MDGA2: variants seen among roughly 807,000 people sequenced by gnomAD.
The protein encoded by MDGA2 is MAM domain containing glycosylphosphatidylinositol anchor 2.
A neutral mutation model predicts 117.8 loss-of-function variants in MDGA2; 40 were observed. That is an observed-to-expected ratio of 0.34 (90% CI 0.26 to 0.44). MDGA2 has a LOEUF of 0.44. Ranked by LOEUF, MDGA2 falls within the 20% of genes least tolerant of loss-of-function variation. The pLI, the probability that MDGA2 is intolerant of heterozygous loss-of-function variation, is 1.00. For synonymous variants in MDGA2, 452 were observed against 439.0 expected (o/e 1.03, Z -0.37); for missense variants, 1,123 against 1,250.6 (o/e 0.90, Z 1.54).
At chr14:47,640,457 T>C (rs1897403594) in intron 1 of MDGA2, among the ~76,000 whole-genome samples, 1 of 152,174 alleles carries the variant, frequency 6.6e-6, no homozygotes, top group African/African-American at 2.4e-5. Context: ...CTCTTTATTG[T>C]TGTGGTTGTT....
intron 1 of MDGA2, among the ~76,000 whole-genome samples, chr14:47,665,155 C>T (rs1897920263): frequency 6.6e-6 from 1 of 151,296 alleles, no homozygotes; most frequent in African/African-American, 2.4e-5. Flanking sequence ...CCCTTTCTTC[C>T]TTCTTTATCT....
chr14:46,912,441 T>C (rs1883742563), intron 10 of MDGA2, among the ~76,000 whole-genome samples: 1 of 152,118 alleles, frequency 6.6e-6, no homozygotes, highest in Non-Finnish European at 1.5e-5. Context: ...ATTAACATAT[T>C]GAAGAAAAAG....
In MDGA2 at chr14:47,069,397, T is replaced by C. The variant is rs184907451; in HGVS notation, c.1196-7819A>G. 4.1e-4 allele frequency among the ~76,000 whole-genome samples: 62 copies of C among 152,368 alleles called. No individual in the cohort carries two copies. In the East Asian group the frequency reaches 0.011, roughly 27 times the overall value. ...TTTAAGAAAATAAATTCATGGACTGTTCTCATTCACATCACAATTGTCATG... is the reference window on the plus strand; with the variant it reads ...TTTAAGAAAATAAATTCATGGACTGCTCTCATTCACATCACAATTGTCATG... On this transcript the variant is annotated intron_variant, in intron 6 of 16. Transcript: ENST00000399232.
chr14:46,876,573 A>G (rs1056715009), intron 12 of MDGA2, among the ~76,000 whole-genome samples: 1 of 151,626 alleles, frequency 6.6e-6, no homozygotes, highest in African/African-American at 2.4e-5. Context: ...TGATTTTAGC[A>G]GAGTTTCTGG....
chr14:47,663,604 C>A (rs1897889962), intron 1 of MDGA2, among the ~76,000 whole-genome samples: 1 of 152,146 alleles, frequency 6.6e-6, no homozygotes, highest in Admixed American at 6.5e-5. Flanking sequence ...TGAGCAAAGT[C>A]CCACTCAGTC....
chr14:47,313,452 CTTTTGTTTTG>C (rs55738625), intron 1 of MDGA2, among the ~76,000 whole-genome samples: 43 of 151,724 alleles, frequency 2.8e-4, no homozygotes, highest in African/African-American at 9.4e-4. Flanking sequence ...TCTTCTTCCT[CTTTTGTTTTG>C]TTTTGTTTTG....
In MDGA2 at chr14:47,128,698, C is replaced by CTT. The variant is rs35221831; in HGVS notation, c.925+3014_925+3015dup. ...TTTTTCTGCAACATAATTTCCATCACTTTTTTTTTTTTTTTTGAGACAGTC... is the reference window on the plus strand; with the variant it reads ...TTTTTCTGCAACATAATTTCCATCACTTTTTTTTTTTTTTTTTTGAGACAGTC... On this transcript the variant is annotated intron_variant, in intron 5 of 16. Coordinates refer to ENST00000399232, the MANE Select transcript of MDGA2 (RefSeq NM_001113498.3). Among the ~76,000 whole-genome samples, 33 of 138,048 alleles carry CTT rather than the reference C, an allele frequency of 2.4e-4. 1 individual carries two copies. The highest frequency in any genetic ancestry group is 6.4e-4 in the African/African-American group (24 of 37,694). 90.6% of individuals were successfully genotyped at this position (138,048 alleles called of 152,430 possible).
rs114120337 is a variant in MDGA2 at position 47,562,067 on chromosome 14, C to T, written c.280+112450G>A. ...AATATTGAACCAACTTTGCATCCCA[C>T]GGATAAAGTCTACTTCATCATGGTA... On this transcript the variant is annotated intron_variant, in intron 1 of 16. Coordinates refer to ENST00000399232, the MANE Select transcript of MDGA2 (RefSeq NM_001113498.3). Among the ~76,000 whole-genome samples the T allele has an allele frequency of 2.3e-3, 349 of 152,278 alleles. 1 individual carries two copies. The highest frequency in any genetic ancestry group is 8.0e-3 in the African/African-American group (333 of 41,570).
intron 3 of MDGA2, among the ~76,000 whole-genome samples, chr14:47,212,563 ATATTTT>A (rs1352984485): frequency 1.3e-5 from 2 of 152,140 alleles, no homozygotes; most frequent in African/African-American, 2.4e-5. Flanking sequence ...TTTTGCCTTC[ATATTTT>A]TAAGTGTTCA....
chr14:47,065,304 C>G (rs894543565), intron 6 of MDGA2, among the ~76,000 whole-genome samples: 12 of 152,240 alleles, frequency 7.9e-5, no homozygotes, highest in African/African-American at 2.6e-4. Flanking sequence ...AATCCCTCTT[C>G]TTCAGGCTAC....
At chr14:46,913,343 A>G (rs764978772) in intron 10 of MDGA2, among the ~76,000 whole-genome samples, 2 of 152,140 alleles carry the variant, frequency 1.3e-5, no homozygotes, top group Non-Finnish European at 2.9e-5. Context: ...AAGATTATAC[A>G]AAGAATCCAG....
intron 1 of MDGA2, among the ~76,000 whole-genome samples, chr14:47,331,581 T>C (rs1055394414): frequency 6.6e-6 from 1 of 151,972 alleles, no homozygotes; most frequent in Non-Finnish European, 1.5e-5. Context: ...TGCAGACATA[T>C]TTCCTCTCTT....
chr14:47,618,925 A>G (rs928404634), intron 1 of MDGA2, among the ~76,000 whole-genome samples: 2 of 152,122 alleles, frequency 1.3e-5, no homozygotes, highest in African/African-American at 4.8e-5. Flanking sequence ...TGGAGGGAAT[A>G]AAAAAGCCTT....
At chr14:47,549,001 T>TA (rs757432959) in intron 1 of MDGA2, among the ~76,000 whole-genome samples, 21 of 152,048 alleles carry the variant, frequency 1.4e-4, no homozygotes, top group East Asian at 1.9e-4. Flanking sequence ...CTACGTGAGG[T>TA]AAAAAAACAT....
At chr14:47,353,519 C>G (rs1388877583) in intron 1 of MDGA2, among the ~76,000 whole-genome samples, 2 of 152,130 alleles carry the variant, frequency 1.3e-5, no homozygotes, top group Non-Finnish European at 2.9e-5. Context: ...AATATAATCA[C>G]ATTTCGAGAA....
At chr14:47,190,302 C>T (rs1885062053) in intron 3 of MDGA2, among the ~76,000 whole-genome samples, 2 of 152,174 alleles carry the variant, frequency 1.3e-5, no homozygotes, top group African/African-American at 2.4e-5. Context: ...TATACACAGC[C>T]TCCCAGGACA....
chr14:47,096,414 A>T (rs1192107496), intron 6 of MDGA2, among the ~76,000 whole-genome samples: 2 of 152,094 alleles, frequency 1.3e-5, no homozygotes, highest in Admixed American at 1.3e-4. Flanking sequence ...GTAATGTTTG[A>T]TAGATCTCTA....
Position 46,964,919 on chromosome 14 carries a change from C to CTTT in MDGA2, c.1820-7279_1820-7277dup, listed in dbSNP as rs746778179. Among the ~76,000 whole-genome samples, 25 of 89,788 alleles carry CTTT rather than the reference C, an allele frequency of 2.8e-4. 2 individuals are homozygous for CTTT. The highest frequency in any genetic ancestry group is 4.9e-4 in the African/African-American group (8 of 16,306). 58.9% of individuals were successfully genotyped at this position (89,788 alleles called of 152,430 possible). A position where few individuals can be genotyped will look rare whatever the true frequency, so the allele number is the denominator to read the frequency against. On this transcript the variant is annotated intron_variant, in intron 8 of 16. Transcript: ENST00000399232. The stretch of plus-strand genomic sequence containing the variant: ...GAAAATATCCCCAAATATATATTTA[C>CTTT]TTTTTTTTTTTTTTTTTTTTTTGAG...
At chr14:47,262,675 G>T (rs186076173) in intron 2 of MDGA2, among the ~76,000 whole-genome samples, 2 of 152,206 alleles carry the variant, frequency 1.3e-5, no homozygotes, top group East Asian at 3.9e-4. Flanking sequence ...AGACAAAGAT[G>T]GCAGACCTTA....
Sources: allele counts gnomAD v4.1 joint callset (sites outside exome capture counted in the v4.1 genomes callset), GRCh38; gene constraint gnomAD v4.1.1; transcripts MANE v1.5; gene names NCBI Gene and HGNC (gene_info 2026-07-23, HGNC 2026-07-21).